Variants in CERT1 observed in about 807,000 individuals in gnomAD.
The protein encoded by CERT1 is ceramide transporter 1.
Under a neutral mutation model 87.9 loss-of-function variants are expected in CERT1, and 31 were observed. That is an observed-to-expected ratio of 0.35 (90% CI 0.27 to 0.48). The LOEUF (loss-of-function observed/expected upper bound fraction) is 0.48. Among genes scored for constraint, CERT1 ranks in the 20% least tolerant of loss-of-function variants. The probability of loss-of-function intolerance (pLI) is 0.99; values close to 1 mark genes in which losing one functional copy is unlikely to be tolerated. For synonymous variants in CERT1, 289 were observed against 250.9 expected, an observed-to-expected ratio of 1.15 and a Z score of -1.44; for missense variants, 487 against 758.0, an observed-to-expected ratio of 0.64 and a Z score of 4.20.
chr5:75,371,254 CT>C (rs1446424981), intron 17 of CERT1: 1 of 152,186 alleles, frequency 6.6e-6, no homozygotes, highest in Non-Finnish European at 1.5e-5. Context: ...TCCCAAGGTA[CT>C]TTAAAATGAT....
chr5:75,485,312 C>CAAAAAAAAAAAAAAAAA (rs757349878), intron 2 of CERT1, among the ~76,000 whole-genome samples: 124 of 46,332 alleles, frequency 2.7e-3, no homozygotes, highest in East Asian at 6.6e-3. Context: ...CACAAAAATA[C>CAAAAAAAAAAAAAAAAA]AAAAAAAAAA....
intron 2 of CERT1, among the ~76,000 whole-genome samples, chr5:75,484,918 C>T (rs181526633): frequency 1.4e-3 from 209 of 152,198 alleles, no homozygotes; most frequent in African/African-American, 4.9e-3. Flanking sequence ...GTAGAGGACA[C>T]ATTCTCCTCA....
chr5:75,504,969 T>C (rs1238172444), intron 2 of CERT1, among the ~76,000 whole-genome samples: 7 of 152,256 alleles, frequency 4.6e-5, no homozygotes, highest in Admixed American at 3.3e-4. Flanking sequence ...AAAGGAACAG[T>C]TGTTTCTATA....
At chr5:75,448,063 C>T (rs966841341) in intron 3 of CERT1, among the ~76,000 whole-genome samples, 2 of 152,090 alleles carry the variant, frequency 1.3e-5, no homozygotes. Flanking sequence ...ATTGTTAGAG[C>T]TAACTGTATG....
At chr5:75,511,673 T>A, upstream of CERT1, 1 of 1,497,778 alleles carries the variant, frequency 6.7e-7, no homozygotes, top group South Asian at 1.3e-5. Flanking sequence ...CGTCCTCCCA[T>A]TCTCCCCCAC....
intron 11 of CERT1, among the ~76,000 whole-genome samples, chr5:75,395,899 C>T (rs1198272512): frequency 1.3e-5 from 2 of 150,364 alleles, no homozygotes; most frequent in African/African-American, 5.0e-5. Context: ...ACAACAACAA[C>T]AACAACAACA....
chr5:75,413,922 T>G (rs147778005), intron 7 of CERT1, among the ~76,000 whole-genome samples: 698 of 152,186 alleles, frequency 4.6e-3, no homozygotes, highest in Non-Finnish European at 6.6e-3. Context: ...TACCTAAAGA[T>G]ATGCCCCAAG....
intron 1 of CERT1, among the ~76,000 whole-genome samples, chr5:75,509,547 G>A (rs529669956): frequency 2.9e-4 from 44 of 152,154 alleles, no homozygotes; most frequent in Non-Finnish European, 3.4e-4. Flanking sequence ...TTTAAATATC[G>A]AGATTGGTCT....
chr5:75,389,637 G>A lies in CERT1; in HGVS notation c.1239C>T (p.Gly413=), dbSNP rs375473708. ...NHMTYSLQDV[G]GDANWQLVVE... ...CAACCAACTGCCAATTGGCATCTCC[G>A]CCTACATCCTGTAATGAGTAAGTCA... Residue 413 remains glycine, a synonymous_variant, in exon 12 of 17, where the codon GGC becomes GGT. Coordinates refer to ENST00000643780, the MANE Select transcript of CERT1 (RefSeq NM_001379029.1). The A allele has an allele frequency of 1.2e-5, 19 of 1,613,878 alleles. No individual in the cohort carries two copies. The highest frequency in any genetic ancestry group is 5.3e-5 in the African/African-American group (4 of 74,888).
intron 7 of CERT1, among the ~76,000 whole-genome samples, chr5:75,412,513 G>C (rs1227897746): frequency 6.6e-6 from 1 of 152,164 alleles, no homozygotes; most frequent in Non-Finnish European, 1.5e-5. Context: ...GTTCACCATG[G>C]GGATACAGTC....
At chr5:75,390,102 G>A (rs1172165168) in intron 11 of CERT1, among the ~76,000 whole-genome samples, 1 of 152,192 alleles carries the variant, frequency 6.6e-6, no homozygotes, top group Non-Finnish European at 1.5e-5. Flanking sequence ...ATTATGTGGA[G>A]ATATCAGGAA....
chr5:75,507,453 G>A (rs1767705289), intron 1 of CERT1, among the ~76,000 whole-genome samples: 1 of 152,074 alleles, frequency 6.6e-6, no homozygotes, highest in East Asian at 1.9e-4. Context: ...CACTCTCTGA[G>A]AACTCACCCA....
At chr5:75,372,213 T>A (rs1187158459) in intron 17 of CERT1, 1 of 152,178 alleles carries the variant, frequency 6.6e-6, no homozygotes, top group Non-Finnish European at 1.5e-5. Flanking sequence ...TCTGTGTTCA[T>A]GATAGTTACC....
At chr5:75,454,879 A>C (rs1764913173) in intron 3 of CERT1, among the ~76,000 whole-genome samples, 1 of 152,226 alleles carries the variant, frequency 6.6e-6, no homozygotes, top group Non-Finnish European at 1.5e-5. Context: ...AACAATAAAG[A>C]ACCATTTCTT....
intron 14 of CERT1, among the ~76,000 whole-genome samples, chr5:75,382,823 A>G (rs1761641626): frequency 6.6e-6 from 1 of 152,042 alleles, no homozygotes. Context: ...TTTTAAAGAT[A>G]CAAAATTTCA....
At chr5:75,450,691 C>T (rs1035251760) in intron 3 of CERT1, among the ~76,000 whole-genome samples, 4 of 152,206 alleles carry the variant, frequency 2.6e-5, no homozygotes, top group Non-Finnish European at 4.4e-5. Context: ...AATCCCTTAT[C>T]TTAACCCAGC....
At chr5:75,429,797 A>G (rs1351125697) in intron 3 of CERT1, among the ~76,000 whole-genome samples, 1 of 151,962 alleles carries the variant, frequency 6.6e-6, no homozygotes, top group Non-Finnish European at 1.5e-5. Context: ...TAAGTGCTGA[A>G]AAGCTATCAG....
At chr5:75,461,470 A>C (rs1162370466) in intron 2 of CERT1, among the ~76,000 whole-genome samples, 1 of 151,940 alleles carries the variant, frequency 6.6e-6, no homozygotes, top group Admixed American at 6.6e-5. Context: ...GGGAAATGCT[A>C]ATCTAAAGAA....
In CERT1 at chr5:75,429,843, GAA is replaced by G. The variant is rs112893256; in HGVS notation, c.349-3367_349-3366del. 8.4e-3 allele frequency among the ~76,000 whole-genome samples: 972 copies of G among 115,518 alleles called. 10 individuals are homozygous for G. Among genetic ancestry groups the G allele is most frequent in the African/African-American group, 0.027 (908 of 33,302 alleles). The allele number at this position is 115,518 out of a possible 152,430, so 75.8% of individuals were successfully genotyped here. On this transcript the variant is annotated intron_variant, in intron 3 of 16. Coordinates refer to ENST00000643780, the MANE Select transcript of CERT1 (RefSeq NM_001379029.1). Reference sequence around the variant, plus strand: ...AGTTCATCCAAATATAAGAAAAAATGAAAAAAAAAAAAAAAGCAAGGGTAAAA... The same window carrying G: ...AGTTCATCCAAATATAAGAAAAAATGAAAAAAAAAAAAAGCAAGGGTAAAA...
Sources: gnomAD v4.1 joint callset for allele counts (sites outside exome capture counted in the v4.1 genomes callset) on GRCh38, gnomAD v4.1.1 for gene constraint, MANE v1.5 for transcripts, NCBI Gene and HGNC (gene_info 2026-07-23, HGNC 2026-07-21) for gene names.